The following LRRTM1 variants were observed in gnomAD, a reference collection of about 807,000 sequenced individuals.
LRRTM1 encodes the protein leucine-rich repeat transmembrane neuronal protein 1.
Under a neutral mutation model 37.3 loss-of-function variants are expected in LRRTM1, and 8 were observed. That is an observed-to-expected ratio of 0.21 (90% CI 0.13 to 0.39). The LOEUF (loss-of-function observed/expected upper bound fraction) is 0.39. LRRTM1 is among the 10% of genes least tolerant of loss of function. LRRTM1 has a pLI of 1.00. For missense variants in LRRTM1, 557 were observed against 691.0 expected (o/e 0.81, Z 2.17); for synonymous variants, 326 against 316.8 (o/e 1.03, Z -0.31).
At chr2:80,289,877 G>T (rs896212922) in intron 2 of LRRTM1, among the ~76,000 whole-genome samples, 2 of 152,304 alleles carry the variant, frequency 1.3e-5, no homozygotes, top group South Asian at 4.1e-4. Flanking sequence ...GGATGATGGA[G>T]TAATGAAGGA....
At chr2:80,296,866 TA>T (rs900194183) in intron 2 of LRRTM1, among the ~76,000 whole-genome samples, 1 of 152,126 alleles carries the variant, frequency 6.6e-6, no homozygotes, top group Non-Finnish European at 1.5e-5. Flanking sequence ...CACAAACAAG[TA>T]AATGTCTACT....
intron 2 of LRRTM1, among the ~76,000 whole-genome samples, chr2:80,291,010 G>T (rs1675189568): frequency 6.6e-6 from 1 of 152,188 alleles, no homozygotes; most frequent in African/African-American, 2.4e-5. Context: ...CAATATTTCT[G>T]TCCAAAGCTG....
chr2:80,288,422 A>G (rs1440911376), exon 3 of LRRTM1: 1 of 152,228 alleles, frequency 6.6e-6, no homozygotes, highest in Non-Finnish European at 1.5e-5. Context: ...CTGTCAGTGA[A>G]GGCATTGAAC....
intron 2 of LRRTM1, among the ~76,000 whole-genome samples, chr2:80,294,732 C>G (rs980716680): frequency 1.3e-5 from 2 of 152,126 alleles, no homozygotes; most frequent in African/African-American, 4.8e-5. Flanking sequence ...GTCCAGGAGT[C>G]AGTATTTATT....
At chr2:80,297,762 G>T (rs1304352410), downstream of LRRTM1, among the ~76,000 whole-genome samples, 1 of 152,054 alleles carries the variant, frequency 6.6e-6, no homozygotes, top group African/African-American at 2.4e-5. Flanking sequence ...TGTGGCATAA[G>T]GAGCCCAGAA....
chr2:80,301,235 G>T (rs1439451328), downstream of LRRTM1, among the ~76,000 whole-genome samples: 1 of 152,180 alleles, frequency 6.6e-6, no homozygotes, highest in African/African-American at 2.4e-5. Flanking sequence ...GCCTAAGCTT[G>T]CTGCAGTCTT....
At chr2:80,294,472 C>T (rs1265728958) in intron 2 of LRRTM1, among the ~76,000 whole-genome samples, 1 of 151,666 alleles carries the variant, frequency 6.6e-6, no homozygotes, top group African/African-American at 2.4e-5. Flanking sequence ...CCATGGAGCC[C>T]TGACCCCATG....
chr2:80,294,798 G>A (rs1295338471), intron 2 of LRRTM1, among the ~76,000 whole-genome samples: 3 of 152,150 alleles, frequency 2.0e-5, no homozygotes, highest in Admixed American at 6.5e-5. Flanking sequence ...TCTGCTAGCT[G>A]AGCAATAGAG....
intron 2 of LRRTM1, chr2:80,289,266 T>C (rs926434478): frequency 6.6e-6 from 1 of 152,178 alleles, no homozygotes; most frequent in Non-Finnish European, 1.5e-5. Flanking sequence ...TGTCAAAGCA[T>C]CTGTAGTGGC....
downstream of LRRTM1, chr2:80,298,061 A>G (rs1191244180): frequency 6.6e-6 from 1 of 151,208 alleles, no homozygotes; most frequent in Non-Finnish European, 1.5e-5. Context: ...ACACACACAC[A>G]CATGTGTGCA....
At chr2:80,296,093 T>A (rs1199161787) in intron 2 of LRRTM1, among the ~76,000 whole-genome samples, 1 of 152,182 alleles carries the variant, frequency 6.6e-6, no homozygotes, top group Non-Finnish European at 1.5e-5. Flanking sequence ...AGTAGATGCA[T>A]AAATTTATGG....
chr2:80,293,953 T>C (rs1036104639), intron 2 of LRRTM1, among the ~76,000 whole-genome samples: 1 of 152,166 alleles, frequency 6.6e-6, no homozygotes, highest in African/African-American at 2.4e-5. Context: ...TGTCAAACTT[T>C]GTAACTGCAG....
At position 80,295,274 on chromosome 2, in the gene LRRTM1, G is replaced by T. The variant is rs563186887; in HGVS notation, c.*307-6079C>A. 1.5e-4 allele frequency among the ~76,000 whole-genome samples: 23 copies of T among 149,770 alleles called. No homozygotes were observed. In the South Asian group the frequency reaches 3.6e-3, roughly 23 times the overall value. ...GGGCTACCTCACACCACATCCCTGT[G>T]TCTCAGGTCTCATGTGCGGGTGAGT... On this transcript the variant is annotated intron_variant and NMD_transcript_variant, in intron 2 of 2. Transcript: ENST00000417012.
At position 80,302,840 on chromosome 2, in the gene LRRTM1, G is replaced by C. The variant is rs1428564349; in HGVS notation, c.980C>G (p.Ser327Trp). Residue 327 changes from serine to tryptophan, a missense_variant, in exon 2 of 2, where the codon TCG becomes TGG. Ser to Trp is a radical substitution (Grantham distance 177, BLOSUM62 -3). Coordinates refer to ENST00000295057, the MANE Select transcript of LRRTM1 (RefSeq NM_178839.5). This position sits in a 1 kb window ranked among gnomAD's most constrained non-coding sequence, Gnocchi z 6.4. The part of the protein sequence containing the change: ...DCGRNVCALA[S>W]WLNNFQGRYD... ...GCGCCCCTGGAAGTTGTTGAGCCAC[G>C]AGGCTAGGGCACACACGTTGCGCCC... 6.2e-7 allele frequency: 1 copy of C among 1,613,972 alleles called. No homozygotes were observed. The highest frequency in any genetic ancestry group is 8.5e-7 in the Non-Finnish European group (1 of 1,180,054).
intron 2 of LRRTM1, among the ~76,000 whole-genome samples, chr2:80,292,402 C>A (rs1291246604): frequency 6.6e-6 from 1 of 151,946 alleles, no homozygotes; most frequent in Non-Finnish European, 1.5e-5. Flanking sequence ...TGGTAAGTGA[C>A]CTTGGGCAAG....
rs182126719 is a variant in LRRTM1 at position 80,292,060 on chromosome 2, A to G, written c.*307-2865T>C. On this transcript the variant is annotated intron_variant and NMD_transcript_variant, in intron 2 of 2. Transcript: ENST00000417012. ...AATTCAGGTTTTTGAGTCTCATCCT[A>G]TCACAGAAGAAAATGGTGACAGCCT... Among the ~76,000 whole-genome samples, 387 of 152,320 alleles carry G rather than the reference A, an allele frequency of 2.5e-3. 1 individual carries two copies. The highest frequency in any genetic ancestry group is 8.9e-3 in the African/African-American group (371 of 41,568).
chr2:80,302,609 C>T lies in LRRTM1; in HGVS notation c.1211G>A (p.Gly404Asp), dbSNP rs1485166705. Residue 404 changes from glycine (G) to aspartate (D), a missense_variant, in exon 2 of 2, where the codon GGC becomes GAC. By Grantham distance (94) the Gly-to-Asp change is moderately conservative. Coordinates refer to ENST00000295057, the MANE Select transcript of LRRTM1 (RefSeq NM_178839.5). This position sits in a 1 kb window ranked among gnomAD's most constrained non-coding sequence, Gnocchi z 6.4. ...LADGGEGQHD[G>D]TFEPATVALP... is the part of the protein sequence containing the mutation. ...AGCCACGGTGGCAGGCTCGAATGTG[C>T]CGTCGTGCTGCCCCTCCCCGCCGTC... 4 of 1,605,682 alleles carry T rather than the reference C, an allele frequency of 2.5e-6. No individual in the cohort carries two copies. The highest frequency in any genetic ancestry group is 1.3e-5 in the African/African-American group (1 of 74,892).
At chr2:80,289,552 C>T (rs1016524986) in intron 2 of LRRTM1, among the ~76,000 whole-genome samples, 1 of 152,176 alleles carries the variant, frequency 6.6e-6, no homozygotes, top group African/African-American at 2.4e-5. Context: ...ATAAACATAA[C>T]ATGTCACTCT....
intron 2 of LRRTM1, among the ~76,000 whole-genome samples, chr2:80,294,643 AT>A (rs1466958388): frequency 3.3e-5 from 5 of 152,034 alleles, no homozygotes; most frequent in South Asian, 2.1e-4. Flanking sequence ...CTTAAAAAAA[AT>A]AATAATAATA....
Sources: allele counts gnomAD v4.1 joint callset (sites outside exome capture counted in the v4.1 genomes callset), GRCh38; gene constraint gnomAD v4.1.1; non-coding constraint Gnocchi (gnomAD v3.1); transcripts MANE v1.5; gene names NCBI Gene and HGNC (gene_info 2026-07-23, HGNC 2026-07-21).